The following HOOK3 variants were observed in gnomAD, a reference collection of about 807,000 sequenced individuals.
HOOK3 encodes the protein protein Hook homolog 3.
A neutral mutation model predicts 116.3 loss-of-function variants in HOOK3; 24 were observed. The observed-to-expected ratio is 0.21, with a 90% CI of 0.15 to 0.29. The LOEUF (loss-of-function observed/expected upper bound fraction) is 0.29, where lower values mean the gene tolerates loss of function less well. Among genes scored for constraint, HOOK3 ranks in the 10% least tolerant of loss-of-function variants. The probability of loss-of-function intolerance (pLI) is 1.00; values close to 1 mark genes in which losing one functional copy is unlikely to be tolerated. For synonymous variants in HOOK3, 275 were observed against 283.0 expected (o/e 0.97, Z 0.28); for missense variants, 632 against 830.2 (o/e 0.76, Z 2.93).
intron 4 of HOOK3, among the ~76,000 whole-genome samples, chr8:42,941,715 A>C (rs567831659): frequency 6.6e-6 from 1 of 152,126 alleles, no homozygotes; most frequent in African/African-American, 2.4e-5. Flanking sequence ...GACATAACTT[A>C]TGAGGACCTA....
At chr8:42,923,031 G>A (rs1278457340) in intron 2 of HOOK3, among the ~76,000 whole-genome samples, 2 of 152,152 alleles carry the variant, frequency 1.3e-5, no homozygotes, top group African/African-American at 4.8e-5. Context: ...AGACAACACA[G>A]TTTTTCAAAG....
At position 43,030,254 on chromosome 8, in the gene HOOK3, A is replaced by T. The variant is rs1810005089; in HGVS notation, c.*11756A>T. 5.2e-6 allele frequency: 1 copy of T among 193,028 alleles called. No homozygotes were observed. The highest frequency in any genetic ancestry group is 2.3e-5 in the African/African-American group (1 of 43,140). 12.0% of individuals were successfully genotyped at this position (193,028 alleles called of 1,614,324 possible). On this transcript the variant is annotated 3_prime_UTR_variant, in exon 22 of 22. Coordinates refer to ENST00000307602, the MANE Select transcript of HOOK3 (RefSeq NM_032410.4). ...ATTTCAACTAAAATCACAAAAACAT[A>T]AAGTCCAGGAAACCACCAGAAGATG...
intron 10 of HOOK3, among the ~76,000 whole-genome samples, chr8:42,967,227 T>C (rs11991133): frequency 0.047 from 7,164 of 152,072 alleles, 336 homozygotes; most frequent in African/African-American, 0.12. Flanking sequence ...GTCTCACTCA[T>C]AGCCATTCTG....
rs905829455 is a variant in HOOK3, at chr8:43,022,814, T to G, written c.*4316T>G. 1 of 176,118 alleles carries G rather than the reference T, an allele frequency of 5.7e-6. No homozygotes were observed. Among genetic ancestry groups the G allele is most frequent in the African/African-American group, 2.4e-5 (1 of 42,244 alleles). 10.9% of individuals were successfully genotyped at this position (176,118 alleles called of 1,614,324 possible). On this transcript the variant is annotated 3_prime_UTR_variant, in exon 22 of 22. Coordinates refer to ENST00000307602, the MANE Select transcript of HOOK3 (RefSeq NM_032410.4). ...TTTTAATTAGATTATTAGACTATAATAAGGATGAAATTGCTGTCTGTAATT... is the reference window on the plus strand; with the variant it reads ...TTTTAATTAGATTATTAGACTATAAGAAGGATGAAATTGCTGTCTGTAATT...
In HOOK3 at chr8:42,903,338, CTTTTTTTTTTT is replaced by C. The variant is rs1164136399; in HGVS notation, c.58-2821_58-2811del. ...TACTGACTGTACTGTTAATAGTTGTCTTTTTTTTTTTTTTTTTTTTTTTTGAGACGGAGTCT... is the reference window on the plus strand; with the variant it reads ...TACTGACTGTACTGTTAATAGTTGTCTTTTTTTTTTTTTGAGACGGAGTCT... On this transcript the variant is annotated intron_variant, in intron 1 of 21. Transcript: ENST00000307602. 1.0e-4 allele frequency among the ~76,000 whole-genome samples: 9 copies of C among 87,608 alleles called. No homozygotes were observed. In the South Asian group the frequency reaches 1.2e-3, roughly 12 times the overall value. The allele number at this position is 87,608 out of a possible 152,430, so 57.5% of individuals were successfully genotyped here. A position where few individuals can be genotyped will look rare whatever the true frequency, so the allele number is the denominator to read the frequency against.
At chr8:42,905,325 T>TGTG (rs1807282829) in intron 1 of HOOK3, among the ~76,000 whole-genome samples, 1 of 99,112 alleles carries the variant, frequency 1.0e-5, no homozygotes, top group Non-Finnish European at 1.9e-5. Flanking sequence ...TTTCTTTTTT[T>TGTG]GGGGGGGGGG....
chr8:42,938,445 G>A (rs1367236731), intron 4 of HOOK3, among the ~76,000 whole-genome samples: 1 of 152,054 alleles, frequency 6.6e-6, no homozygotes, highest in Non-Finnish European at 1.5e-5. Context: ...TATGATGCTA[G>A]TGGTTATTTT....
intron 5 of HOOK3, among the ~76,000 whole-genome samples, chr8:42,944,022 A>C (rs1808177690): frequency 6.6e-6 from 1 of 152,206 alleles, no homozygotes; most frequent in African/African-American, 2.4e-5. Flanking sequence ...CCCTGACTTA[A>C]ATTTTAGATA....
chr8:42,998,729 C>T (rs2130469506), intron 16 of HOOK3, among the ~76,000 whole-genome samples: 1 of 152,218 alleles, frequency 6.6e-6, no homozygotes, highest in African/African-American at 2.4e-5. Flanking sequence ...ATCCCTTAAT[C>T]AATGTGTTGG....
At chr8:43,017,605 A>G (rs1216450017) in intron 21 of HOOK3, among the ~76,000 whole-genome samples, 1 of 152,170 alleles carries the variant, frequency 6.6e-6, no homozygotes, top group Non-Finnish European at 1.5e-5. Flanking sequence ...GTCTTATTAA[A>G]TGAGTACCAA....
intron 2 of HOOK3, among the ~76,000 whole-genome samples, chr8:42,909,733 G>T (rs1211403732): frequency 6.6e-6 from 1 of 152,320 alleles, no homozygotes; most frequent in Non-Finnish European, 1.5e-5. Flanking sequence ...ACAAAGTGCT[G>T]AGATTAAAGG....
chr8:42,968,025 T>C lies in HOOK3; in HGVS notation c.933T>C (p.Asp311=), dbSNP rs1358723404. 29 of 1,550,276 alleles carry C rather than the reference T, an allele frequency of 1.9e-5. No homozygotes were observed. Among genetic ancestry groups the C allele is most frequent in the Non-Finnish European group, 2.6e-5 (29 of 1,123,960 alleles). Reference sequence around the variant, plus strand: ...CATCTAATTCTAGACATTCTTCTGATAAAGTATCTAAACTAGAAGGTCAAG... The same window carrying C: ...CATCTAATTCTAGACATTCTTCTGACAAAGTATCTAAACTAGAAGGTCAAG... ...DEIDVLRHSS[D]KVSKLEGQVE... is the part of the protein sequence containing the mutation. Residue 311 remains aspartate, a synonymous_variant, in exon 11 of 22, where the codon GAT becomes GAC. Coordinates refer to ENST00000307602, the MANE Select transcript of HOOK3 (RefSeq NM_032410.4).
Position 43,024,921 on chromosome 8 carries a change from G to T in HOOK3, c.*6423G>T, listed in dbSNP as rs1308026478. 9.6e-6 allele frequency: 2 copies of T among 207,766 alleles called. No individual in the cohort carries two copies. The highest frequency in any genetic ancestry group is 2.0e-5 in the Non-Finnish European group (2 of 101,934). 12.9% of individuals were successfully genotyped at this position (207,766 alleles called of 1,614,324 possible). ...TGGCATCCATCTCTTTTAAATCACTGATGATTTTCTGGGGAAGTATATATA... is the reference window on the plus strand; with the variant it reads ...TGGCATCCATCTCTTTTAAATCACTTATGATTTTCTGGGGAAGTATATATA... On this transcript the variant is annotated 3_prime_UTR_variant, in exon 22 of 22. Transcript: ENST00000307602.
At chr8:42,998,848 C>T (rs960255725) in intron 16 of HOOK3, among the ~76,000 whole-genome samples, 4 of 152,064 alleles carry the variant, frequency 2.6e-5, no homozygotes, top group Admixed American at 6.6e-5. Flanking sequence ...ATTCAAAATG[C>T]GAAATCACAA....
chr8:42,944,899 C>CT (rs1236990186), intron 5 of HOOK3, among the ~76,000 whole-genome samples: 2 of 152,112 alleles, frequency 1.3e-5, no homozygotes, highest in East Asian at 3.8e-4. Flanking sequence ...AATCTGAAAA[C>CT]TGTCTTTTAT....
chr8:42,948,192 A>C (rs1445347559), intron 5 of HOOK3, among the ~76,000 whole-genome samples: 1 of 152,174 alleles, frequency 6.6e-6, no homozygotes, highest in Non-Finnish European at 1.5e-5. Flanking sequence ...GAGGCTAGAC[A>C]AGGACAAAAA....
chr8:42,899,909 C>T (rs964881092), intron 1 of HOOK3, among the ~76,000 whole-genome samples: 5 of 152,170 alleles, frequency 3.3e-5, no homozygotes, highest in African/African-American at 9.6e-5. Flanking sequence ...TTTGTTTTCA[C>T]TACATAGCAT....
chr8:43,000,363 T>C, intron 16 of HOOK3: 1 of 799,008 alleles, frequency 1.3e-6, no homozygotes, highest in Non-Finnish European at 1.8e-6. Flanking sequence ...GAAAATTTTA[T>C]TAAGGTAGTT....
chr8:42,908,909 A>G (rs1488767534), intron 2 of HOOK3, among the ~76,000 whole-genome samples: 1 of 152,222 alleles, frequency 6.6e-6, no homozygotes, highest in Admixed American at 6.5e-5. Context: ...CAAGCCATAC[A>G]TCTAATAAGA....
Sources: gnomAD v4.1 joint callset for allele counts (sites outside exome capture counted in the v4.1 genomes callset) on GRCh38, gnomAD v4.1.1 for gene constraint, MANE v1.5 for transcripts, NCBI Gene and HGNC (gene_info 2026-07-23, HGNC 2026-07-21) for gene names.